Variants in GRM8 observed in about 807,000 individuals in gnomAD.
GRM8 encodes the protein glutamate metabotropic receptor 8, also known as metabotropic glutamate receptor 8.
In GRM8, 47 loss-of-function variants were observed where a neutral mutation model predicts 87.2. The ratio of observed to expected loss-of-function variants is 0.54; its 90% confidence interval spans 0.43 to 0.69. The LOEUF (loss-of-function observed/expected upper bound fraction) is 0.69. Among genes scored for constraint, GRM8 ranks in the 30% least tolerant of loss-of-function variants. GRM8 has a pLI of 0.00. For synonymous variants in GRM8, 396 were observed against 404.5 expected (o/e 0.98, Z 0.25); for missense variants, 1,019 against 1,139.2 (o/e 0.89, Z 1.52).
intron 3 of GRM8, among the ~76,000 whole-genome samples, chr7:127,073,146 C>T (rs1042981808): frequency 2.0e-5 from 3 of 152,138 alleles, no homozygotes; most frequent in African/African-American, 7.2e-5. Flanking sequence ...GATTCCAGCC[C>T]ACTGAGCAGA....
chr7:127,019,290 T>C (rs1816019505), intron 3 of GRM8, among the ~76,000 whole-genome samples: 1 of 152,078 alleles, frequency 6.6e-6, no homozygotes, highest in African/African-American at 2.4e-5. Context: ...AGTTGTCACA[T>C]CATAACATTG....
chr7:126,884,461 T>C (rs1274491055), intron 6 of GRM8, among the ~76,000 whole-genome samples: 1 of 152,196 alleles, frequency 6.6e-6, no homozygotes, highest in African/African-American at 2.4e-5. Context: ...ATCTTTTTAT[T>C]TTTTTCATCC....
intron 3 of GRM8, among the ~76,000 whole-genome samples, chr7:126,912,206 C>G (rs1452851104): frequency 8.9e-5 from 13 of 145,908 alleles, no homozygotes; most frequent in Admixed American, 8.7e-4. Flanking sequence ...CAAAAACAAA[C>G]AAACAAACAA....
At chr7:126,739,031 G>A (rs989174418) in intron 7 of GRM8, among the ~76,000 whole-genome samples, 1 of 151,928 alleles carries the variant, frequency 6.6e-6, no homozygotes, top group Non-Finnish European at 1.5e-5. Context: ...CAGGGAGGAA[G>A]AAAAGGAGAA....
rs1010695872 is a variant in GRM8 at position 126,762,767 on chromosome 7, TA to T, written c.1357+7097del. On this transcript the variant is annotated intron_variant, in intron 7 of 10. Transcript: ENST00000339582. ...ATTTGTTTTTTTCAATGAATTACTG[TA>T]AATATAATTACTGTTAATAATTTTC... is the stretch of plus-strand genomic sequence containing the variant. Among the ~76,000 whole-genome samples, 428 of 152,032 alleles carry T rather than the reference TA, an allele frequency of 2.8e-3. 4 individuals carry two copies. The highest frequency in any genetic ancestry group is 9.3e-3 in the African/African-American group (388 of 41,544).
chr7:126,982,433 C>T (rs146577666), intron 3 of GRM8, among the ~76,000 whole-genome samples: 53 of 152,266 alleles, frequency 3.5e-4, no homozygotes, highest in Non-Finnish European at 6.8e-4. Flanking sequence ...AACCTATACA[C>T]GTCTCCTGAG....
chr7:126,503,512 A>G (rs1465174259), intron 9 of GRM8, among the ~76,000 whole-genome samples: 1 of 152,050 alleles, frequency 6.6e-6, no homozygotes, highest in African/African-American at 2.4e-5. Context: ...TGTTGTTAGC[A>G]ATTGTTTCAT....
chr7:126,677,854 A>G (rs1172854668), intron 7 of GRM8, among the ~76,000 whole-genome samples: 1 of 152,232 alleles, frequency 6.6e-6, no homozygotes, highest in Non-Finnish European at 1.5e-5. Flanking sequence ...GAAATAACAA[A>G]TTAAAACAAA....
rs547402377 is a variant in GRM8 at position 126,671,233 on chromosome 7, T to C, written c.1358-61735A>G. On this transcript the variant is annotated intron_variant, in intron 7 of 10. Coordinates refer to ENST00000339582, the MANE Select transcript of GRM8 (RefSeq NM_000845.3). ...GAGCTCCAAGTTTGTCTTGGGACCT[T>C]AAGAGGAGAAAATCACCCAACTCAC... Among the ~76,000 whole-genome samples, 5 of 152,194 alleles carry C rather than the reference T, an allele frequency of 3.3e-5. No homozygotes were observed. The South Asian group carries it at 8.3e-4, about 25-fold the overall frequency.
At chr7:126,735,812 T>A (rs1814148035) in intron 7 of GRM8, among the ~76,000 whole-genome samples, 1 of 152,034 alleles carries the variant, frequency 6.6e-6, no homozygotes, top group Non-Finnish European at 1.5e-5. Flanking sequence ...AAGAGACAGA[T>A]GGAGACAATG....
intron 3 of GRM8, among the ~76,000 whole-genome samples, chr7:126,984,989 A>T (rs573812814): frequency 2.6e-4 from 40 of 152,140 alleles, no homozygotes; most frequent in Middle Eastern, 3.4e-3. Context: ...CCTGATAATT[A>T]TACTCCCAGT....
intron 7 of GRM8, among the ~76,000 whole-genome samples, chr7:126,628,298 G>A (rs1438322868): frequency 6.6e-6 from 1 of 152,150 alleles, no homozygotes; most frequent in African/African-American, 2.4e-5. Context: ...GCCTACCTCA[G>A]CCTCCCAAAG....
At chr7:127,029,033 G>T (rs1303209300) in intron 3 of GRM8, among the ~76,000 whole-genome samples, 1 of 152,130 alleles carries the variant, frequency 6.6e-6, no homozygotes, top group Non-Finnish European at 1.5e-5. Flanking sequence ...CTGGTACGTT[G>T]TGTCTTTGTT....
At chr7:126,907,765 A>T (rs1179970167) in intron 3 of GRM8, among the ~76,000 whole-genome samples, 1 of 152,202 alleles carries the variant, frequency 6.6e-6, no homozygotes, top group Non-Finnish European at 1.5e-5. Flanking sequence ...GCTGATACAG[A>T]GGGCAGCCTG....
chr7:127,102,070 G>C (rs17868436), intron 3 of GRM8, among the ~76,000 whole-genome samples: 1 of 152,214 alleles, frequency 6.6e-6, no homozygotes. Context: ...TTAGGACTCT[G>C]TGGAAGTTTG....
chr7:126,521,333 G>A (rs1812950838), intron 9 of GRM8, among the ~76,000 whole-genome samples: 1 of 152,006 alleles, frequency 6.6e-6, no homozygotes, highest in African/African-American at 2.4e-5. Flanking sequence ...ATAACATAGA[G>A]AGTCTAAAAT....
chr7:126,997,023 A>G (rs1342033556), intron 3 of GRM8, among the ~76,000 whole-genome samples: 1 of 152,014 alleles, frequency 6.6e-6, no homozygotes, highest in African/African-American at 2.4e-5. Flanking sequence ...TCACAGACAG[A>G]CCATATGTCA....
intron 8 of GRM8, among the ~76,000 whole-genome samples, chr7:126,563,189 G>A (rs966743936): frequency 9.2e-5 from 14 of 151,716 alleles, no homozygotes; most frequent in African/African-American, 2.4e-4. Context: ...TCTACCCCTC[G>A]GTGATTTACG....
intron 3 of GRM8, among the ~76,000 whole-genome samples, chr7:127,064,699 G>A (rs1820937034): frequency 6.6e-6 from 1 of 152,084 alleles, no homozygotes; most frequent in Non-Finnish European, 1.5e-5. Flanking sequence ...ATTGAAAAGT[G>A]GGCAAAGGAC....
Sources: gnomAD v4.1 joint callset for allele counts (sites outside exome capture counted in the v4.1 genomes callset) on GRCh38, gnomAD v4.1.1 for gene constraint, MANE v1.5 for transcripts, NCBI Gene and HGNC (gene_info 2026-07-23, HGNC 2026-07-21) for gene names.